C9: variants seen among roughly 807,000 people sequenced by gnomAD.
The protein encoded by C9 is complement C9, also known as complement component C9.
C9 carries 63 observed loss-of-function variants against 65.4 expected under a neutral mutation model. The observed-to-expected ratio is 0.96, with a 90% CI of 0.79 to 1.19. The LOEUF (loss-of-function observed/expected upper bound fraction) is 1.19, where lower values mean the gene tolerates loss of function less well. C9 is among the 50% of genes most tolerant of loss of function. C9 has a pLI of 0.00. For missense variants in C9, 744 were observed against 670.1 expected (o/e 1.11, Z -1.22); for synonymous variants, 229 against 227.9 (o/e 1.00, Z -0.04).
At chr5:39,286,703 A>G (rs1172834626) in intron 10 of C9, among the ~76,000 whole-genome samples, 1 of 139,866 alleles carries the variant, frequency 7.1e-6, no homozygotes, top group Non-Finnish European at 1.7e-5. Context: ...AGTAGTATAC[A>G]TTTTTGGAGA....
chr5:39,342,761 C>T (rs1443391015), intron 1 of C9, among the ~76,000 whole-genome samples: 1 of 152,142 alleles, frequency 6.6e-6, no homozygotes, highest in East Asian at 1.9e-4. Flanking sequence ...CACTTCACTT[C>T]AGGACTTATT....
At chr5:39,324,776 G>A (rs1275290794) in intron 5 of C9, among the ~76,000 whole-genome samples, 1 of 152,132 alleles carries the variant, frequency 6.6e-6, no homozygotes. Context: ...AGTCTTGGAC[G>A]AGAGACCAAG....
chr5:39,308,450 C>T, intron 7 of C9, 92 bp from the exon 8 acceptor site: 1 of 900,096 alleles, frequency 1.1e-6, no homozygotes, highest in East Asian at 2.5e-5. Context: ...AACATCCTTA[C>T]TTAGGTTCCT....
At chr5:39,317,138 A>G (rs1753582083) in intron 5 of C9, among the ~76,000 whole-genome samples, 1 of 152,120 alleles carries the variant, frequency 6.6e-6, no homozygotes, top group Non-Finnish European at 1.5e-5. Context: ...GGCCACATGA[A>G]TGTCTTCTTT....
chr5:39,317,300 C>T (rs1014387387), intron 5 of C9, among the ~76,000 whole-genome samples: 2 of 152,054 alleles, frequency 1.3e-5, no homozygotes, highest in African/African-American at 4.8e-5. Context: ...TATAGGTTGC[C>T]TGTTCACTCT....
At chr5:39,338,667 A>T (rs59960122) in intron 4 of C9, among the ~76,000 whole-genome samples, 195 of 152,316 alleles carry the variant, frequency 1.3e-3, no homozygotes, top group African/African-American at 4.4e-3. Context: ...ATCAAGACCT[A>T]CTTCATTTTC....
At chr5:39,331,351 C>CA (rs1471737004) in intron 5 of C9, among the ~76,000 whole-genome samples, 1 of 152,112 alleles carries the variant, frequency 6.6e-6, no homozygotes, top group Non-Finnish European at 1.5e-5. Context: ...ACAATAACAG[C>CA]AAAACTCAAG....
chr5:39,327,107 A>G (rs1753758677), intron 5 of C9, among the ~76,000 whole-genome samples: 1 of 152,164 alleles, frequency 6.6e-6, no homozygotes, highest in South Asian at 2.1e-4. Flanking sequence ...TTTGTAGGAG[A>G]AGCATTTTAG....
chr5:39,292,661 G>A (rs1355872332), intron 9 of C9, among the ~76,000 whole-genome samples: 1 of 151,416 alleles, frequency 6.6e-6, no homozygotes, highest in Non-Finnish European at 1.5e-5. Flanking sequence ...TGAGTTTATA[G>A]TGTATGTAAA....
intron 5 of C9, among the ~76,000 whole-genome samples, chr5:39,325,494 G>A (rs1466185390): frequency 4.6e-5 from 7 of 152,156 alleles, no homozygotes; most frequent in South Asian, 2.1e-4. Flanking sequence ...TGCAATGATC[G>A]CCAGGCGCGG....
At chr5:39,342,234 G>A (rs766156610) in intron 1 of C9, 38 bp from the exon 2 acceptor site, 2 of 1,064,508 alleles carry the variant, frequency 1.9e-6, no homozygotes, top group Admixed American at 3.4e-5. Context: ...AATGACCATT[G>A]TGTATATCTG....
rs190470669 is a variant in C9, at chr5:39,308,492, A to G, written c.1112-134T>C. 6.2e-5 allele frequency: 44 copies of G among 713,280 alleles called. 1 individual carries two copies. The Admixed American group carries it at 8.8e-4, about 14-fold the overall frequency. The allele number at this position is 713,280 out of a possible 1,614,324, so 44.2% of individuals were successfully genotyped here. A position where few individuals can be genotyped will look rare whatever the true frequency, so the allele number is the denominator to read the frequency against. ...CATGACTAAATTCAAATGTGCCATC[A>G]TGTCTGTCCTGCTTTGTCCTCATAT... On this transcript the variant is annotated intron_variant, in intron 7 of 10. Coordinates refer to ENST00000263408, the MANE Select transcript of C9 (RefSeq NM_001737.5).
intron 1 of C9, among the ~76,000 whole-genome samples, chr5:39,352,421 A>G (rs1383420772): frequency 1.3e-5 from 2 of 152,168 alleles, no homozygotes; most frequent in Non-Finnish European, 2.9e-5. Flanking sequence ...ACTGAACTCA[A>G]TGCATTCCCA....
chr5:39,358,403 A>G (rs1433423431), intron 1 of C9, among the ~76,000 whole-genome samples: 1 of 152,170 alleles, frequency 6.6e-6, no homozygotes, highest in Non-Finnish European at 1.5e-5. Flanking sequence ...GAGTGAGCCA[A>G]AAAGAGAGTG....
At chr5:39,288,984 C>CT (rs1262491766) in intron 9 of C9, 33 bp from the exon 10 acceptor site, 2 of 1,171,226 alleles carry the variant, frequency 1.7e-6, no homozygotes, top group African/African-American at 3.0e-5. Context: ...ATTTTAGGTC[C>CT]TTTTTAACTG....
At chr5:39,339,314 A>G (rs778128641) in intron 4 of C9, among the ~76,000 whole-genome samples, 16 of 152,236 alleles carry the variant, frequency 1.1e-4, no homozygotes, top group Non-Finnish European at 1.8e-4. Flanking sequence ...AAGATTTTAT[A>G]AAGTGCATGA....
chr5:39,288,345 C>T (rs1284933441), intron 10 of C9, among the ~76,000 whole-genome samples: 1 of 151,526 alleles, frequency 6.6e-6, no homozygotes, highest in Non-Finnish European at 1.5e-5. Context: ...GTATATATGT[C>T]TACGTCTATA....
chr5:39,285,890 C>T (rs140561129), intron 10 of C9, among the ~76,000 whole-genome samples: 1,687 of 151,950 alleles, frequency 0.011, 34 homozygotes, highest in African/African-American at 0.038. Flanking sequence ...TGATGTGTTA[C>T]GGTTTTCAAT....
At chr5:39,348,963 T>C (rs1432073418) in intron 1 of C9, among the ~76,000 whole-genome samples, 1 of 134,216 alleles carries the variant, frequency 7.5e-6, no homozygotes, top group African/African-American at 2.9e-5. Flanking sequence ...TAGGTAGGGA[T>C]TGAGCAATGA....
Sources: gnomAD v4.1 joint callset for allele counts (sites outside exome capture counted in the v4.1 genomes callset) on GRCh38, gnomAD v4.1.1 for gene constraint, MANE v1.5 for transcripts, NCBI Gene and HGNC (gene_info 2026-07-23, HGNC 2026-07-21) for gene names.